RICTOR: variants seen among roughly 807,000 people sequenced by gnomAD.
The protein encoded by RICTOR is RPTOR independent companion of MTOR complex 2, also known as rapamycin-insensitive companion of mTOR.
A neutral mutation model predicts 214.9 loss-of-function variants in RICTOR; 49 were observed. The observed-to-expected ratio is 0.23, with a 90% CI of 0.18 to 0.29. The LOEUF is 0.29. Among genes scored for constraint, RICTOR ranks in the 10% least tolerant of loss-of-function variants. The probability of loss-of-function intolerance (pLI) is 1.00; values close to 1 mark genes in which losing one functional copy is unlikely to be tolerated. For synonymous variants in RICTOR, 717 were observed against 711.3 expected (o/e 1.01, Z -0.13); for missense variants, 1,625 against 2,047.0 (o/e 0.79, Z 3.98).
intron 2 of RICTOR, among the ~76,000 whole-genome samples, chr5:39,035,721 G>A (rs1302916503): frequency 2.6e-5 from 4 of 152,194 alleles, no homozygotes; most frequent in African/African-American, 7.2e-5. Flanking sequence ...GGGTATCAGC[G>A]ATAGAAGATG....
At chr5:39,067,555 C>T (rs1758993903) in intron 2 of RICTOR, among the ~76,000 whole-genome samples, 1 of 152,120 alleles carries the variant, frequency 6.6e-6, no homozygotes, top group African/African-American at 2.4e-5. Context: ...ATGATATACA[C>T]CCTCATCATC....
chr5:39,065,908 G>A (rs1758871144), intron 2 of RICTOR, among the ~76,000 whole-genome samples: 1 of 152,240 alleles, frequency 6.6e-6, no homozygotes, highest in Admixed American at 6.5e-5. Context: ...TTAGTTGAAT[G>A]CCTGTGGCTT....
chr5:39,020,892 G>A (rs1755369672), intron 3 of RICTOR, 147 bp downstream of exon 3: 1 of 600,070 alleles, frequency 1.7e-6, no homozygotes, highest in African/African-American at 1.9e-5. Flanking sequence ...AAGATACACT[G>A]GACAAAATCC....
At chr5:39,020,125 C>T (rs2150134470) in intron 3 of RICTOR, among the ~76,000 whole-genome samples, 1 of 152,192 alleles carries the variant, frequency 6.6e-6, no homozygotes, top group Admixed American at 6.5e-5. Flanking sequence ...TAAGGAGTTC[C>T]CTCTTATGGA....
intron 2 of RICTOR, among the ~76,000 whole-genome samples, chr5:39,041,205 T>C (rs764077388): frequency 1.3e-5 from 2 of 152,204 alleles, no homozygotes; most frequent in African/African-American, 2.4e-5. Flanking sequence ...ATACATCTTG[T>C]AGGCATATAA....
Position 39,021,044 on chromosome 5 carries a change from T to A in RICTOR, c.190A>T (p.Thr64Ser), listed in dbSNP as rs1443609803. 3 of 1,499,720 alleles carry A rather than the reference T, an allele frequency of 2.0e-6. No individual in the cohort carries two copies. The highest frequency in any genetic ancestry group is 2.8e-6 in the Non-Finnish European group (3 of 1,075,616). The allele number at this position is 1,499,720 out of a possible 1,614,324, so 92.9% of individuals were successfully genotyped here. A position where few individuals can be genotyped will look rare whatever the true frequency, so the allele number is the denominator to read the frequency against. ...TAAAAATTCAAGTTACTTACCTTAGTAAAGTTATTCAGATGGCCTAGCTTT... is the reference window on the plus strand; with the variant it reads ...TAAAAATTCAAGTTACTTACCTTAGAAAAGTTATTCAGATGGCCTAGCTTT... ...MRKLGHLNNF[T>S]KLLCDIGHSE... Residue 64 changes from threonine (T) to serine (S), a missense_variant, in exon 3 of 38, where the codon ACT becomes TCT. Physicochemically the swap from Thr to Ser is moderately conservative, Grantham distance 58. Around this residue, in one of 5 missense-constraint regions of RICTOR, gnomAD observed 258 missense variants for 393.7 expected, o/e 0.66. Transcript: ENST00000357387.
rs772421728 is a variant in RICTOR at position 38,971,374 on chromosome 5, A to ATT, written c.972+501_972+502dup. On this transcript the variant is annotated intron_variant, in intron 11 of 37. Transcript: ENST00000357387. ...ACAGCCATTATTCCTAACAACAGCA[A>ATT]TTTTTTTTTTTTTTTTGAGATGGAG... 3.6e-3 allele frequency: 330 copies of ATT among 91,882 alleles called. 2 individuals carry two copies. The highest frequency in any genetic ancestry group is 0.019 in the Middle Eastern group (3 of 156). The allele number at this position is 91,882 out of a possible 1,614,324, so 5.7% of individuals were successfully genotyped here.
In RICTOR at chr5:38,959,680, T is replaced by C. The variant is rs548590966; in HGVS notation, c.2051+99A>G. On this transcript the variant is annotated intron_variant, in intron 21 of 37. Coordinates refer to ENST00000357387, the MANE Select transcript of RICTOR (RefSeq NM_152756.5). ...GATAATGCTAATTTAAAATAAAACTTAACCAAACACATGTACACAGAATAA... is the reference window on the plus strand; with the variant it reads ...GATAATGCTAATTTAAAATAAAACTCAACCAAACACATGTACACAGAATAA... The C allele has an allele frequency of 3.3e-4, 247 of 738,072 alleles. 1 individual carries two copies. The African/African-American group carries it at 4.1e-3, about 12-fold the overall frequency. 45.7% of individuals were successfully genotyped at this position (738,072 alleles called of 1,614,324 possible). A position where few individuals can be genotyped will look rare whatever the true frequency, so the allele number is the denominator to read the frequency against.
intron 2 of RICTOR, among the ~76,000 whole-genome samples, chr5:39,053,981 C>G (rs1426635417): frequency 1.3e-5 from 2 of 151,670 alleles, no homozygotes; most frequent in Non-Finnish European, 2.9e-5. Context: ...ACTCGGAAGG[C>G]TGAGGCAGAA....
At chr5:38,993,498 A>G (rs1419565088) in intron 6 of RICTOR, among the ~76,000 whole-genome samples, 3 of 152,100 alleles carry the variant, frequency 2.0e-5, no homozygotes, top group African/African-American at 7.2e-5. Context: ...GGAAAAGAAA[A>G]AAGCAGACAG....
At chr5:38,998,526 A>C (rs535738377) in intron 5 of RICTOR, among the ~76,000 whole-genome samples, 3 of 152,330 alleles carry the variant, frequency 2.0e-5, no homozygotes, top group African/African-American at 7.2e-5. Context: ...TCTATCAGAC[A>C]ATATGAGGCA....
Position 39,010,846 on chromosome 5 carries a change from A to C in RICTOR, c.196-7224T>G, listed in dbSNP as rs1754451537. Among the ~76,000 whole-genome samples the C allele has an allele frequency of 3.3e-5, 5 of 152,204 alleles. No individual in the cohort carries two copies. The South Asian group carries it at 1.0e-3, about 32-fold the overall frequency. Reference sequence around the variant, plus strand: ...AACATTCAGTTTTATATATTCACAAAGATACAATCTGGAATTGGAACTTAT... The same window carrying C: ...AACATTCAGTTTTATATATTCACAACGATACAATCTGGAATTGGAACTTAT... On this transcript the variant is annotated intron_variant, in intron 3 of 37. Transcript: ENST00000357387.
In RICTOR at chr5:38,945,009, C is replaced by G; in HGVS notation, c.4693G>C (p.Val1565Leu). 1.9e-6 allele frequency: 3 copies of G among 1,612,446 alleles called. No individual in the cohort carries two copies. The highest frequency in any genetic ancestry group is 1.3e-5 in the African/African-American group (1 of 74,974). ...ATCCCCGAAAACTTAGAGGGAACCA[C>G]TTCTAAAGGATTATGGATAGTCTGC... ...CEQTIHNPLEVVPSKFSGISG... is the reference protein window; with the variant it reads ...CEQTIHNPLELVPSKFSGISG... The change falls in exon 35 of 38, where the codon GTG (valine) becomes CTG (leucine). Residue 1565 changes from valine to leucine, a missense_variant. Physicochemically the swap from Val to Leu is conservative, Grantham distance 32 (BLOSUM62 1). Around this residue, in one of 5 missense-constraint regions of RICTOR, gnomAD observed 1,214 missense variants for 1,470.5 expected, o/e 0.83. Coordinates refer to ENST00000357387, the MANE Select transcript of RICTOR (RefSeq NM_152756.5).
intron 2 of RICTOR, among the ~76,000 whole-genome samples, chr5:39,032,081 G>C (rs944625135): frequency 1.3e-5 from 2 of 152,142 alleles, no homozygotes; most frequent in Non-Finnish European, 2.9e-5. Context: ...CATCTTCTGA[G>C]GGCCTCTAGT....
At chr5:38,997,379 A>ATC (rs1753256712) in intron 5 of RICTOR, among the ~76,000 whole-genome samples, 2 of 152,228 alleles carry the variant, frequency 1.3e-5, no homozygotes, top group Non-Finnish European at 2.9e-5. Flanking sequence ...ATGTCCAAAC[A>ATC]AATAGCACCA....
At chr5:38,964,284 C>T (rs1209496346) in intron 16 of RICTOR, among the ~76,000 whole-genome samples, 4 of 151,764 alleles carry the variant, frequency 2.6e-5, no homozygotes, top group Non-Finnish European at 5.9e-5. Flanking sequence ...AGCAGAGCTA[C>T]AATTGTATTA....
chr5:39,009,296 T>C (rs1163125638), intron 3 of RICTOR, among the ~76,000 whole-genome samples: 2 of 152,168 alleles, frequency 1.3e-5, no homozygotes, highest in African/African-American at 4.8e-5. Flanking sequence ...TATATGACCA[T>C]TTATCACTTA....
At chr5:39,029,480 T>G (rs1756105189) in intron 2 of RICTOR, among the ~76,000 whole-genome samples, 1 of 152,222 alleles carries the variant, frequency 6.6e-6, no homozygotes, top group Non-Finnish European at 1.5e-5. Flanking sequence ...TATAACTTGC[T>G]GCAATAAACT....
rs777747600 is a variant in RICTOR, at chr5:38,968,481, CA to C, written c.973-452del. ...TACTTCTATACTTTAAAAAACAAAA[CA>C]AAAAAAAAAAAAGCCCTTTGGGAAG... On this transcript the variant is annotated intron_variant, in intron 11 of 37. Coordinates refer to ENST00000357387, the MANE Select transcript of RICTOR (RefSeq NM_152756.5). Among the ~76,000 whole-genome samples, 272 of 134,808 alleles carry C rather than the reference CA, an allele frequency of 2.0e-3. 1 individual carries two copies. The highest frequency in any genetic ancestry group is 3.0e-3 in the African/African-American group (108 of 36,228). 88.4% of individuals were successfully genotyped at this position (134,808 alleles called of 152,430 possible). A position where few individuals can be genotyped will look rare whatever the true frequency, so the allele number is the denominator to read the frequency against.
Sources: allele counts gnomAD v4.1 joint callset (sites outside exome capture counted in the v4.1 genomes callset), GRCh38; gene constraint gnomAD v4.1.1; regional missense constraint gnomAD v4.1.1; transcripts MANE v1.5; gene names NCBI Gene and HGNC (gene_info 2026-07-23, HGNC 2026-07-21).